RABGAP1L: variants seen among roughly 807,000 people sequenced by gnomAD.
RABGAP1L encodes RAB GTPase activating protein 1 like, also known as rab GTPase-activating protein 1-like.
A neutral mutation model predicts 137.7 loss-of-function variants in RABGAP1L; 63 were observed. The observed-to-expected ratio is 0.46, with a 90% CI of 0.37 to 0.56. The LOEUF is 0.56. RABGAP1L is among the 20% of genes least tolerant of loss of function. The pLI, the probability that RABGAP1L is intolerant of heterozygous loss-of-function variation, is 0.00. For missense variants in RABGAP1L, 1,095 were observed against 1,244.0 expected (o/e 0.88, Z 1.80); for synonymous variants, 431 against 433.7 (o/e 0.99, Z 0.08).
At chr1:174,325,131 T>G (rs758932999) in intron 11 of RABGAP1L, among the ~76,000 whole-genome samples, 2 of 152,164 alleles carry the variant, frequency 1.3e-5, no homozygotes, top group Non-Finnish European at 2.9e-5. Flanking sequence ...AGAGAGAAGT[T>G]CACCCATCCT....
At chr1:174,955,715 G>A (rs1263383016) in intron 19 of RABGAP1L, among the ~76,000 whole-genome samples, 2 of 152,160 alleles carry the variant, frequency 1.3e-5, no homozygotes, top group African/African-American at 2.4e-5. Context: ...CTCAGAGTAC[G>A]CAAGAAGTTT....
At position 174,376,839 on chromosome 1, in the gene RABGAP1L, G is replaced by T. The variant is rs550313696; in HGVS notation, c.1559+5767G>T. ...GACTCTTACTCAACTTAGTACTAGA[G>T]GTCTTAGCAAGTGTAACAGGCAAGA... On this transcript the variant is annotated intron_variant, in intron 12 of 25. Transcript: ENST00000681986. Among the ~76,000 whole-genome samples the T allele has an allele frequency of 9.2e-5, 14 of 152,164 alleles. No individual in the cohort carries two copies. The East Asian group carries it at 2.7e-3, about 29-fold the overall frequency.
At chr1:174,163,984 A>G (rs1664714534) in intron 1 of RABGAP1L, among the ~76,000 whole-genome samples, 1 of 152,116 alleles carries the variant, frequency 6.6e-6, no homozygotes, top group South Asian at 2.1e-4. Flanking sequence ...TGGAACATTT[A>G]CTTTTTACTG....
intron 13 of RABGAP1L, among the ~76,000 whole-genome samples, chr1:174,541,682 A>G (rs528314265): frequency 6.6e-6 from 1 of 152,258 alleles, no homozygotes; most frequent in East Asian, 1.9e-4. Flanking sequence ...AGGCTGAGGC[A>G]GGAGAATGGC....
chr1:174,369,737 A>C (rs1288481585), intron 11 of RABGAP1L, among the ~76,000 whole-genome samples: 1 of 152,168 alleles, frequency 6.6e-6, no homozygotes, highest in Non-Finnish European at 1.5e-5. Flanking sequence ...AGCTTCATAC[A>C]GTTGCTTATG....
At chr1:174,488,121 A>G (rs1167938349) in intron 13 of RABGAP1L, among the ~76,000 whole-genome samples, 1 of 152,048 alleles carries the variant, frequency 6.6e-6, no homozygotes, top group Non-Finnish European at 1.5e-5. Flanking sequence ...TACTGTTACT[A>G]GTGAGTTTGT....
chr1:174,165,413 G>A (rs1571327879), intron 1 of RABGAP1L, among the ~76,000 whole-genome samples: 2 of 152,206 alleles, frequency 1.3e-5, no homozygotes, highest in South Asian at 4.1e-4. Flanking sequence ...GCCTCCCAAA[G>A]TGCTGGGATT....
intron 19 of RABGAP1L, among the ~76,000 whole-genome samples, chr1:174,914,857 A>T (rs6700816): frequency 0.024 from 3,724 of 152,028 alleles, 59 homozygotes; most frequent in Middle Eastern, 0.082. Context: ...TTCACCCCTA[A>T]TCTGCTTTTA....
chr1:174,377,643 G>C (rs897306876), intron 12 of RABGAP1L, among the ~76,000 whole-genome samples: 2 of 151,976 alleles, frequency 1.3e-5, no homozygotes, highest in South Asian at 2.1e-4. Context: ...GCCAATCAAA[G>C]CTACAGTGAG....
At chr1:174,325,514 T>C (rs1009449203) in intron 11 of RABGAP1L, among the ~76,000 whole-genome samples, 3 of 152,144 alleles carry the variant, frequency 2.0e-5, no homozygotes, top group Non-Finnish European at 2.9e-5. Context: ...GAATAAACTG[T>C]AGTTGGAAGA....
At chr1:174,603,657 T>G (rs945309027) in intron 13 of RABGAP1L, among the ~76,000 whole-genome samples, 1 of 152,104 alleles carries the variant, frequency 6.6e-6, no homozygotes, top group Non-Finnish European at 1.5e-5. Flanking sequence ...ACAGCTGGTA[T>G]TGTGCTGGGT....
At chr1:174,963,977 G>A (rs186000891) in intron 20 of RABGAP1L, among the ~76,000 whole-genome samples, 108 of 152,218 alleles carry the variant, frequency 7.1e-4, no homozygotes, top group African/African-American at 2.5e-3. Flanking sequence ...TTTTTAGTTT[G>A]ACATTTAAAA....
intron 11 of RABGAP1L, among the ~76,000 whole-genome samples, chr1:174,329,276 G>A (rs914538150): frequency 6.6e-6 from 1 of 152,106 alleles, no homozygotes; most frequent in Non-Finnish European, 1.5e-5. Context: ...AACCTACCAA[G>A]CTTGAGTCAA....
At chr1:174,874,578 CTTTTTT>C (rs10530813) in intron 19 of RABGAP1L, 546 of 232,340 alleles carry the variant, frequency 2.4e-3, no homozygotes, top group African/African-American at 3.5e-3. Flanking sequence ...ACACCACTGC[CTTTTTT>C]TTTTTTTTTT....
intron 13 of RABGAP1L, among the ~76,000 whole-genome samples, chr1:174,554,685 G>A (rs554574718): frequency 1.3e-5 from 2 of 152,188 alleles, no homozygotes; most frequent in African/African-American, 2.4e-5. Context: ...ATTCCTAGAA[G>A]TTTAAAATTA....
chr1:174,560,370 T>G (rs1433145640), intron 13 of RABGAP1L, among the ~76,000 whole-genome samples: 2 of 152,152 alleles, frequency 1.3e-5, no homozygotes, highest in Admixed American at 6.5e-5. Context: ...ATGCAACTGG[T>G]GGGTGCCCCA....
At chr1:174,190,779 C>G (rs190616568) in intron 1 of RABGAP1L, among the ~76,000 whole-genome samples, 336 of 152,360 alleles carry the variant, frequency 2.2e-3, no homozygotes, top group Non-Finnish European at 4.0e-3. Flanking sequence ...TCTCCGCATT[C>G]AACATGTTGC....
intron 11 of RABGAP1L, 64 bp downstream of exon 11, chr1:174,305,191 G>C (rs1678089853): frequency 1.4e-6 from 2 of 1,425,278 alleles, no homozygotes. Flanking sequence ...AATCTTCAGA[G>C]GAGGTGTGTG....
At chr1:174,595,612 C>T (rs973694757) in intron 13 of RABGAP1L, among the ~76,000 whole-genome samples, 6 of 150,004 alleles carry the variant, frequency 4.0e-5, no homozygotes, top group East Asian at 4.0e-4. Context: ...GAATACCCTG[C>T]GATGTGAGGT....
Sources: allele counts gnomAD v4.1 joint callset (sites outside exome capture counted in the v4.1 genomes callset), GRCh38; gene constraint gnomAD v4.1.1; transcripts MANE v1.5; gene names NCBI Gene and HGNC (gene_info 2026-07-23, HGNC 2026-07-21).